PSMD1: variants seen among roughly 807,000 people sequenced by gnomAD.
PSMD1 encodes the protein proteasome 26S subunit, non-ATPase 1, also known as 26S proteasome non-ATPase regulatory subunit 1.
In PSMD1, 18 loss-of-function variants were observed where a neutral mutation model predicts 119.0. That is an observed-to-expected ratio of 0.15 (90% CI 0.10 to 0.22). PSMD1 has a LOEUF of 0.22. PSMD1 is among the 10% of genes least tolerant of loss of function. PSMD1 has a pLI of 1.00. For missense variants in PSMD1, 702 were observed against 1,158.5 expected (o/e 0.61, Z 5.72); for synonymous variants, 374 against 396.6 (o/e 0.94, Z 0.68).
intron 8 of PSMD1, 134 bp downstream of exon 8, chr2:231,075,705 A>AAGT: frequency 1.4e-6 from 1 of 709,068 alleles, no homozygotes; most frequent in South Asian, 2.1e-5. Flanking sequence ...TTAGCCTCCC[A>AAGT]AGTAAATGGC....
intron 2 of PSMD1, 108 bp downstream of exon 2, chr2:231,061,418 C>A: frequency 3.2e-6 from 3 of 926,656 alleles, no homozygotes; most frequent in Non-Finnish European, 4.8e-6. Context: ...TCCTAGCTGG[C>A]TTGTACCCAG....
At chr2:231,084,557 A>G (rs1694386955) in intron 14 of PSMD1, among the ~76,000 whole-genome samples, 3 of 152,204 alleles carry the variant, frequency 2.0e-5, no homozygotes, top group South Asian at 4.1e-4. Flanking sequence ...ACTGTCCTCT[A>G]TAATCAATAA....
intron 23 of PSMD1, among the ~76,000 whole-genome samples, chr2:231,167,878 G>A (rs1488070891): frequency 2.0e-5 from 3 of 152,166 alleles, no homozygotes; most frequent in South Asian, 2.1e-4. Context: ...GGGCAAATAA[G>A]CACATGAAAA....
At chr2:231,057,651 C>G (rs572055775) in intron 1 of PSMD1, among the ~76,000 whole-genome samples, 1 of 152,350 alleles carries the variant, frequency 6.6e-6, no homozygotes, top group Admixed American at 6.5e-5. Context: ...TACTGAGAGC[C>G]TACTTATACC....
At chr2:231,113,595 G>A in intron 16 of PSMD1, 1 of 801,636 alleles carries the variant, frequency 1.2e-6, no homozygotes, top group Admixed American at 1.7e-5. Flanking sequence ...GACATAAGGA[G>A]CTTATGTTAA....
chr2:231,166,548 G>A (rs954516243), intron 23 of PSMD1, among the ~76,000 whole-genome samples: 3 of 149,418 alleles, frequency 2.0e-5, no homozygotes, highest in Non-Finnish European at 4.4e-5. Context: ...TGTCATAAAT[G>A]CATTGCATTT....
At chr2:231,109,083 G>T (rs1368192443) in intron 16 of PSMD1, 1 of 1,614,172 alleles carries the variant, frequency 6.2e-7, no homozygotes, top group East Asian at 2.2e-5. Flanking sequence ...CCTGAGTTGG[G>T]CAGAGCCTTG....
chr2:231,091,983 A>G (rs932184062), intron 16 of PSMD1, among the ~76,000 whole-genome samples: 1 of 152,084 alleles, frequency 6.6e-6, no homozygotes. Flanking sequence ...GAATCTTTTG[A>G]TCTGTACCCT....
chr2:231,130,785 A>G (rs1174564816), intron 16 of PSMD1, among the ~76,000 whole-genome samples: 1 of 152,192 alleles, frequency 6.6e-6, no homozygotes, highest in Admixed American at 6.5e-5. Flanking sequence ...ATGTTTATGG[A>G]GACATAGAAA....
intron 4 of PSMD1, among the ~76,000 whole-genome samples, chr2:231,064,209 G>A (rs956096550): frequency 2.0e-5 from 3 of 152,106 alleles, no homozygotes; most frequent in African/African-American, 7.2e-5. Flanking sequence ...GTTTTGTAGG[G>A]CACATTTTTT....
chr2:231,080,565 C>G (rs780241278), intron 12 of PSMD1, among the ~76,000 whole-genome samples: 4 of 152,102 alleles, frequency 2.6e-5, no homozygotes, highest in Non-Finnish European at 4.4e-5. Flanking sequence ...TAAAATGTTA[C>G]AACTACAAGT....
chr2:231,127,816 T>C (rs1057265464), intron 16 of PSMD1, among the ~76,000 whole-genome samples: 3 of 152,250 alleles, frequency 2.0e-5, no homozygotes, highest in Non-Finnish European at 4.4e-5. Flanking sequence ...TGATTCTTAA[T>C]GGTAGAGTGA....
chr2:231,170,726 GTGTGCAACAAAATTA>G lies in PSMD1; in HGVS notation c.*9+8_*9+22del. The G allele has an allele frequency of 1.3e-6, 2 of 1,571,310 alleles. No individual in the cohort carries two copies. Among genetic ancestry groups the G allele is most frequent in the African/African-American group, 1.4e-5 (1 of 72,996 alleles). ...ATTGATGATTAAGGGCCAGAGGTGC[GTGTGCAACAAAATTA>G]TGAAGGGAAACTTCTTTGTCAATAC... On this transcript the variant is annotated splice_donor_region_variant and intron_variant, in intron 24 of 24. Transcript: ENST00000308696. The surrounding 1 kb of genome is among the most constrained non-coding windows in gnomAD (Gnocchi z 4.1).
At position 231,170,826 on chromosome 2, in the gene PSMD1, C is replaced by T. The variant is rs1574783757; in HGVS notation, c.*9+105C>T. On this transcript the variant is annotated intron_variant, in intron 24 of 24. Coordinates refer to ENST00000308696, the MANE Select transcript of PSMD1 (RefSeq NM_002807.4). This position sits in a 1 kb window ranked among gnomAD's most constrained non-coding sequence, Gnocchi z 4.1. Reference sequence around the variant, plus strand: ...GTTTTTCCTTCCTTTTGTGTTTAATCCTTATTTACCTAAACAGTATTAAAA... The same window carrying T: ...GTTTTTCCTTCCTTTTGTGTTTAATTCTTATTTACCTAAACAGTATTAAAA... The T allele has an allele frequency of 1.7e-6, 2 of 1,205,330 alleles. No homozygotes were observed. The highest frequency in any genetic ancestry group is 5.8e-5 in the Admixed American group (2 of 34,384). The allele number at this position is 1,205,330 out of a possible 1,614,324, so 74.7% of individuals were successfully genotyped here.
At chr2:231,114,266 T>G (rs1695257726) in intron 16 of PSMD1, among the ~76,000 whole-genome samples, 1 of 152,224 alleles carries the variant, frequency 6.6e-6, no homozygotes, top group South Asian at 2.1e-4. Context: ...GACTGGAACT[T>G]AACCTTGGTA....
chr2:231,123,803 G>A (rs1559241070), intron 16 of PSMD1: 4 of 1,442,988 alleles, frequency 2.8e-6, no homozygotes, highest in East Asian at 2.3e-5. Flanking sequence ...TCCGAACAGT[G>A]GTCAGCATGG....
chr2:231,082,832 G>A (rs1319414332), intron 12 of PSMD1, 51 bp from the exon 13 acceptor site: 2 of 1,318,936 alleles, frequency 1.5e-6, no homozygotes, highest in African/African-American at 1.5e-5. Flanking sequence ...ATAAAAACTT[G>A]TATGTTAAGT....
chr2:231,129,846 T>C (rs1309204426), intron 16 of PSMD1, among the ~76,000 whole-genome samples: 1 of 152,228 alleles, frequency 6.6e-6, no homozygotes, highest in Non-Finnish European at 1.5e-5. Flanking sequence ...GTTTTTTACC[T>C]GTAATGGCAC....
intron 19 of PSMD1, among the ~76,000 whole-genome samples, chr2:231,156,917 T>TA (rs1359007794): frequency 3.3e-5 from 5 of 152,214 alleles, no homozygotes; most frequent in African/African-American, 1.2e-4. Flanking sequence ...CTCCTGAACT[T>TA]ACTACTTATC....
Sources: allele counts gnomAD v4.1 joint callset (sites outside exome capture counted in the v4.1 genomes callset), GRCh38; gene constraint gnomAD v4.1.1; non-coding constraint Gnocchi (gnomAD v3.1); transcripts MANE v1.5; gene names NCBI Gene and HGNC (gene_info 2026-07-23, HGNC 2026-07-21).